The following BMP7 variants were observed in gnomAD, a reference collection of about 807,000 sequenced individuals.
BMP7 encodes osteogenic protein 1.
Under a neutral mutation model 41.2 loss-of-function variants are expected in BMP7, and 12 were observed. The ratio of observed to expected loss-of-function variants is 0.29; its 90% CI spans 0.19 to 0.47. The LOEUF (loss-of-function observed/expected upper bound fraction) is 0.47. Ranked by LOEUF, BMP7 falls within the 20% of genes least tolerant of loss-of-function variation. The pLI is 0.99. For missense variants in BMP7, 467 were observed against 606.0 expected, an observed-to-expected ratio of 0.77 and a Z score of 2.41; for synonymous variants, 248 against 250.0, an observed-to-expected ratio of 0.99 and a Z score of 0.07.
At chr20:57,181,538 C>T (rs1403263666) in intron 4 of BMP7, among the ~76,000 whole-genome samples, 7 of 151,998 alleles carry the variant, frequency 4.6e-5, no homozygotes, top group Non-Finnish European at 1.0e-4. Flanking sequence ...AAGAAAATCA[C>T]TTTGCCAACA....
At chr20:57,225,159 C>T (rs768143971) in intron 2 of BMP7, among the ~76,000 whole-genome samples, 17 of 152,092 alleles carry the variant, frequency 1.1e-4, no homozygotes, top group Admixed American at 2.0e-4. Context: ...AGAAGCTGTG[C>T]GGGCCCAGGT....
intron 4 of BMP7, among the ~76,000 whole-genome samples, chr20:57,176,788 A>ACACACACACAC (rs1983934169): frequency 6.6e-6 from 1 of 151,154 alleles, no homozygotes; most frequent in East Asian, 1.9e-4. Context: ...ACACACACAC[A>ACACACACACAC]CACCTGTTAA....
Position 57,186,687 on chromosome 20 carries a change from C to T in BMP7, c.761-2768G>A, listed in dbSNP as rs537281429. 1.1e-4 allele frequency among the ~76,000 whole-genome samples: 17 copies of T among 152,288 alleles called. No homozygotes were observed. In the South Asian group the frequency reaches 1.7e-3, roughly 15 times the overall value. On this transcript the variant is annotated intron_variant, in intron 3 of 6. Coordinates refer to ENST00000395863, the MANE Select transcript of BMP7 (RefSeq NM_001719.3). ...GGGAGGGGTCAGAGGCCAGCAAAAG[C>T]GATGGGCCTGTTCACATCTGGAATT... is the stretch of plus-strand genomic sequence containing the variant.
chr20:57,260,932 G>A (rs533594239), intron 1 of BMP7, among the ~76,000 whole-genome samples: 1 of 152,352 alleles, frequency 6.6e-6, no homozygotes, highest in African/African-American at 2.4e-5. Flanking sequence ...AAATATTCAG[G>A]CTGTTACACG....
At chr20:57,250,673 A>G (rs1269320340) in intron 1 of BMP7, among the ~76,000 whole-genome samples, 2 of 152,154 alleles carry the variant, frequency 1.3e-5, no homozygotes, top group Non-Finnish European at 2.9e-5. Flanking sequence ...TTACTGTGAA[A>G]GTTTTATTGA....
intron 1 of BMP7, among the ~76,000 whole-genome samples, chr20:57,232,966 T>C (rs933216573): frequency 2.6e-5 from 4 of 152,102 alleles, no homozygotes; most frequent in Non-Finnish European, 5.9e-5. Flanking sequence ...GTTTCCCTTT[T>C]CTATGGAAGC....
At chr20:57,217,415 A>G (rs896241278) in intron 2 of BMP7, among the ~76,000 whole-genome samples, 3 of 152,216 alleles carry the variant, frequency 2.0e-5, no homozygotes, top group Non-Finnish European at 4.4e-5. Flanking sequence ...AGCCACATGG[A>G]GTGCTCTGTG....
intron 1 of BMP7, among the ~76,000 whole-genome samples, chr20:57,230,495 C>T (rs1281651466): frequency 2.0e-5 from 3 of 151,656 alleles, no homozygotes; most frequent in Non-Finnish European, 4.4e-5. Flanking sequence ...GAGTACAATC[C>T]CGCATAGGTA....
intron 4 of BMP7, among the ~76,000 whole-genome samples, chr20:57,181,883 TGTGATTCCAAGGGCA>T (rs1984090320): frequency 6.6e-6 from 1 of 152,258 alleles, no homozygotes; most frequent in Admixed American, 6.5e-5. Flanking sequence ...GATTAGCACC[TGTGATTCCAAGGGCA>T]GTCGTAACTC....
chr20:57,209,140 A>T, intron 2 of BMP7, among the ~76,000 whole-genome samples: 1 of 151,594 alleles, frequency 6.6e-6, no homozygotes, highest in East Asian at 1.9e-4. Context: ...ACCAACATGG[A>T]GAAACCCCAT....
In BMP7 at chr20:57,175,106, A is replaced by G. The variant is rs1983893793; in HGVS notation, c.959-99T>C. ...ATCTTAGGCAGTGATGTGAACAGCA[A>G]TGAAGCACAGACGGCTGGGGGGTAA... On this transcript the variant is annotated intron_variant, in intron 4 of 6. Transcript: ENST00000395863. 8 of 1,257,216 alleles carry G rather than the reference A, an allele frequency of 6.4e-6. No individual in the cohort carries two copies. In the South Asian group the frequency reaches 1.0e-4, roughly 16 times the overall value. The allele number at this position is 1,257,216 out of a possible 1,614,324, so 77.9% of individuals were successfully genotyped here.
intron 3 of BMP7, among the ~76,000 whole-genome samples, chr20:57,196,150 C>G (rs1264545772): frequency 6.6e-6 from 1 of 152,168 alleles, no homozygotes; most frequent in East Asian, 1.9e-4. Context: ...GCTGCAGTCC[C>G]TTTCTTGGGA....
chr20:57,179,914 G>A (rs1984035834), intron 4 of BMP7, among the ~76,000 whole-genome samples: 1 of 152,184 alleles, frequency 6.6e-6, no homozygotes, highest in Admixed American at 6.5e-5. Context: ...TGTGTAAATG[G>A]AGACTTGGTG....
At chr20:57,223,677 C>T (rs1985243590) in intron 2 of BMP7, among the ~76,000 whole-genome samples, 1 of 152,196 alleles carries the variant, frequency 6.6e-6, no homozygotes. Flanking sequence ...GGAACCTTTC[C>T]AAGGCATGAA....
chr20:57,252,850 TG>T (rs2066119419), intron 1 of BMP7, among the ~76,000 whole-genome samples: 1 of 152,196 alleles, frequency 6.6e-6, no homozygotes, highest in African/African-American at 2.4e-5. Context: ...GGTTCTCAAC[TG>T]GGGGCAACTT....
intron 1 of BMP7, among the ~76,000 whole-genome samples, chr20:57,246,501 G>T (rs2123136412): frequency 6.6e-6 from 1 of 152,308 alleles, no homozygotes; most frequent in East Asian, 1.9e-4. Context: ...CTTCAGGCTT[G>T]AGAAGCAGTT....
chr20:57,241,491 G>A (rs1346714876), intron 1 of BMP7, among the ~76,000 whole-genome samples: 3 of 152,274 alleles, frequency 2.0e-5, no homozygotes, highest in Admixed American at 6.5e-5. Flanking sequence ...CCTGGCAAAG[G>A]GCACACAGGC....
intron 1 of BMP7, among the ~76,000 whole-genome samples, chr20:57,255,114 C>T (rs1471068087): frequency 3.4e-5 from 5 of 145,648 alleles, no homozygotes; most frequent in Non-Finnish European, 6.2e-5. Flanking sequence ...GCCATGGGCT[C>T]GGCTTCTGTT....
chr20:57,220,368 C>G (rs1014669831), intron 2 of BMP7, among the ~76,000 whole-genome samples: 2 of 152,214 alleles, frequency 1.3e-5, no homozygotes, highest in Non-Finnish European at 2.9e-5. Context: ...TTCTTCCCAG[C>G]TACAGATGAC....
Sources: allele counts gnomAD v4.1 joint callset (sites outside exome capture counted in the v4.1 genomes callset), GRCh38; gene constraint gnomAD v4.1.1; transcripts MANE v1.5; gene names NCBI Gene and HGNC (gene_info 2026-07-23, HGNC 2026-07-21).